Variants in ACBD5 observed in about 807,000 individuals in gnomAD.
ACBD5 encodes the protein acyl-CoA binding domain containing 5.
A neutral mutation model predicts 71.8 loss-of-function variants in ACBD5; 40 were observed. That is an observed-to-expected ratio of 0.56 (90% confidence interval 0.43 to 0.72). ACBD5 has a LOEUF of 0.72. Ranked by LOEUF, ACBD5 falls within the 30% of genes least tolerant of loss-of-function variation. ACBD5 has a pLI of 0.00. For missense variants in ACBD5, 559 were observed against 644.5 expected, an observed-to-expected ratio of 0.87 and a Z score of 1.44; for synonymous variants, 229 against 218.6, an observed-to-expected ratio of 1.05 and a Z score of -0.42.
In ACBD5 at chr10:27,240,248, A is replaced by T; in HGVS notation, c.181+71T>A. The T allele has an allele frequency of 6.2e-7, 1 of 1,612,848 alleles. No homozygotes were observed. Among genetic ancestry groups the T allele is most frequent in the Non-Finnish European group, 8.5e-7 (1 of 1,179,850 alleles). ...AAAAAGGCTAAATAAACAACACTAG[A>T]ACCAGAAAGTGAAAGGGGGCTTTGG... On this transcript the variant is annotated intron_variant, in intron 2 of 12. Transcript: ENST00000396271. This position sits in a 1 kb window ranked among gnomAD's most constrained non-coding sequence, Gnocchi z 4.1.
rs533601852 is a variant in ACBD5, at chr10:27,225,213, T to G, written c.376-1761A>C. On this transcript the variant is annotated intron_variant, in intron 4 of 12. Coordinates refer to ENST00000396271, the MANE Select transcript of ACBD5 (RefSeq NM_145698.5). ...CACCTTCAAGCAATTTCAGACACCT[T>G]CATAAGTGATTTGCCCACCTCGGCC... Among the ~76,000 whole-genome samples, 9 of 152,066 alleles carry G rather than the reference T, an allele frequency of 5.9e-5. 1 individual carries two copies. In the South Asian group the frequency reaches 1.7e-3, roughly 28 times the overall value.
Position 27,215,567 on chromosome 10 carries a change from A to G in ACBD5, c.904T>C (p.Cys302Arg). 6.2e-7 allele frequency: 1 copy of G among 1,613,576 alleles called. No individual in the cohort carries two copies. Among genetic ancestry groups the G allele is most frequent in the Non-Finnish European group, 8.5e-7 (1 of 1,179,714 alleles). ...LTSDSDSEVYCDSMEQFGQEE... is the reference protein window; with the variant it reads ...LTSDSDSEVYRDSMEQFGQEE... Reference sequence around the variant, plus strand: ...TGTCCAAATTGTTCCATAGAATCACAGTAAACTTCACTGTCTGAATCGCTT... The same window carrying G: ...TGTCCAAATTGTTCCATAGAATCACGGTAAACTTCACTGTCTGAATCGCTT... The change falls in exon 8 of 13, where the codon TGT becomes CGT. Residue 302 changes from cysteine to arginine, a missense_variant. By Grantham distance (180) the Cys-to-Arg change is radical (BLOSUM62 -3). Coordinates refer to ENST00000396271, the MANE Select transcript of ACBD5 (RefSeq NM_145698.5).
rs1171535156 is a variant in ACBD5, at chr10:27,195,405, A to G, written c.*2025T>C. On this transcript the variant is annotated 3_prime_UTR_variant, in exon 13 of 13. Transcript: ENST00000396271. ...GTGCAAAGTGCTTTTCAAACTATAA[A>G]ATAAGACTTTGGAACAGGATAGAAA... 2.2e-6 allele frequency: 1 copy of G among 454,482 alleles called. No homozygotes were observed. The highest frequency in any genetic ancestry group is 1.6e-5 in the South Asian group (1 of 64,452). 28.2% of individuals were successfully genotyped at this position (454,482 alleles called of 1,614,324 possible). A position where few individuals can be genotyped will look rare whatever the true frequency, so the allele number is the denominator to read the frequency against.
At position 27,197,293 on chromosome 10, in the gene ACBD5, T is replaced by G. The variant is rs1411739840; in HGVS notation, c.*137A>C. 1.2e-6 allele frequency: 1 copy of G among 802,392 alleles called. No individual in the cohort carries two copies. The highest frequency in any genetic ancestry group is 2.0e-5 in the Admixed American group (1 of 50,268). 49.7% of individuals were successfully genotyped at this position (802,392 alleles called of 1,614,324 possible). ...AGTGCAAAATATATATGTGTATATA[T>G]GTACACAAACTAAACTACTGGACAA... On this transcript the variant is annotated 3_prime_UTR_variant, in exon 13 of 13. Coordinates refer to ENST00000396271, the MANE Select transcript of ACBD5 (RefSeq NM_145698.5).
At chr10:27,230,670 G>A (rs1045639528) in intron 4 of ACBD5, among the ~76,000 whole-genome samples, 5 of 151,632 alleles carry the variant, frequency 3.3e-5, no homozygotes, top group African/African-American at 1.2e-4. Context: ...AGTGGTGCGC[G>A]CCTGTAATCC....
At position 27,210,879 on chromosome 10, in the gene ACBD5, C is replaced by T. The variant is rs2061002999; in HGVS notation, c.1139G>A (p.Gly380Glu). The part of the protein sequence containing the change: ...HGGEDGRNNS[G>E]APHREKRGGE... ...GCCTCGCTTCTCCCGGTGTGGTGCT[C>T]CGCTGTTATTCCTGCCATCTTCTCC... Residue 380 changes from glycine (G) to glutamate (E), a missense_variant, in exon 9 of 13, where the codon GGA becomes GAA. Physicochemically the swap from Gly to Glu is moderately conservative, Grantham distance 98 (BLOSUM62 -2). Coordinates refer to ENST00000396271, the MANE Select transcript of ACBD5 (RefSeq NM_145698.5). 1 of 1,614,064 alleles carries T rather than the reference C, an allele frequency of 6.2e-7. No individual in the cohort carries two copies. Among genetic ancestry groups the T allele is most frequent in the South Asian group, 1.1e-5 (1 of 91,088 alleles).
chr10:27,225,080 T>TC (rs2062846714), intron 4 of ACBD5, among the ~76,000 whole-genome samples: 5 of 148,986 alleles, frequency 3.4e-5, no homozygotes, highest in South Asian at 2.1e-4. Flanking sequence ...TCTCTTTCTT[T>TC]TTTTTTTTTT....
chr10:27,190,293 T>A (rs112577512), downstream of ACBD5, among the ~76,000 whole-genome samples: 205 of 148,728 alleles, frequency 1.4e-3, no homozygotes, highest in African/African-American at 4.9e-3. Flanking sequence ...TCAAAAAAAA[T>A]TATTTAAAAA....
At chr10:27,200,568 C>T (rs1366806135) in intron 12 of ACBD5, among the ~76,000 whole-genome samples, 2 of 151,756 alleles carry the variant, frequency 1.3e-5, no homozygotes, top group Admixed American at 1.3e-4. Context: ...CCTCAACCTC[C>T]CGAGTAGCTG....
chr10:27,222,111 G>C lies in ACBD5; in HGVS notation c.490+1227C>G, dbSNP rs151042151. On this transcript the variant is annotated intron_variant, in intron 5 of 12. Transcript: ENST00000396271. ...GCACGTGGTTTATGACCGTGACAAG[G>C]ACCGATTTCAGCACAGGAAGATTAC... Among the ~76,000 whole-genome samples the C allele has an allele frequency of 3.9e-5, 6 of 152,064 alleles. No individual in the cohort carries two copies. The East Asian group carries it at 1.2e-3, about 29-fold the overall frequency.
intron 2 of ACBD5, among the ~76,000 whole-genome samples, chr10:27,239,518 C>G (rs1477693461): frequency 6.6e-6 from 1 of 152,084 alleles, no homozygotes; most frequent in Non-Finnish European, 1.5e-5. Flanking sequence ...ACTTTTTTCT[C>G]ACCAGCTGCA....
intron 4 of ACBD5, among the ~76,000 whole-genome samples, chr10:27,226,510 G>C (rs2063046508): frequency 6.7e-6 from 1 of 150,026 alleles, no homozygotes; most frequent in Middle Eastern, 3.2e-3. Flanking sequence ...GCAAATCTCA[G>C]TCTAGGTAAC....
chr10:27,186,334 C>T, intron 13 of ACBD5: 1 of 1,546,472 alleles, frequency 6.5e-7, no homozygotes, highest in Non-Finnish European at 8.9e-7. Context: ...GCAGTACTTA[C>T]TTAGGTAATG....
chr10:27,200,673 G>A (rs1337714056), intron 12 of ACBD5, among the ~76,000 whole-genome samples: 1 of 152,084 alleles, frequency 6.6e-6, no homozygotes, highest in Non-Finnish European at 1.5e-5. Context: ...TGGTCAGGCT[G>A]GTCTCGAGCT....
intron 12 of ACBD5, among the ~76,000 whole-genome samples, chr10:27,198,028 A>G (rs2059534220): frequency 6.6e-6 from 1 of 152,234 alleles, no homozygotes. Flanking sequence ...CACAATTAAG[A>G]TTTGTGGAAA....
chr10:27,234,754 A>C (rs932941960), intron 3 of ACBD5, among the ~76,000 whole-genome samples: 6 of 152,184 alleles, frequency 3.9e-5, no homozygotes, highest in Non-Finnish European at 8.8e-5. Context: ...CAACATAGTG[A>C]AACCCTGTCT....
intron 5 of ACBD5, among the ~76,000 whole-genome samples, chr10:27,221,768 G>T (rs2062366033): frequency 1.3e-5 from 2 of 151,694 alleles, no homozygotes; most frequent in Non-Finnish European, 1.5e-5. Context: ...ACAAAAATTA[G>T]CCATACAAGA....
Position 27,219,671 on chromosome 10 carries a change from A to G in ACBD5, c.625+52T>C, listed in dbSNP as rs12251316. ...ACCAAATCAGCCCAAATGTCTTCAT[A>G]CCCTCTTAGTTTATTTATTGCAAAA... On this transcript the variant is annotated intron_variant, in intron 6 of 12. Coordinates refer to ENST00000396271, the MANE Select transcript of ACBD5 (RefSeq NM_145698.5). 61,267 of 1,605,720 alleles carry G rather than the reference A, an allele frequency of 0.038. 2,196 individuals are homozygous for G. The highest frequency in any genetic ancestry group is 0.17 in the African/African-American group (12,672 of 74,758).
Position 27,183,967 on chromosome 10 carries a change from C to T in ACBD5, c.1494-1252G>A, listed in dbSNP as rs375307680. Among the ~76,000 whole-genome samples the T allele has an allele frequency of 1.7e-4, 26 of 152,270 alleles. No homozygotes were observed. In the South Asian group the frequency reaches 5.2e-3, roughly 30 times the overall value. On this transcript the variant is annotated intron_variant, in intron 13 of 13. Coordinates refer to the ACBD5 transcript ENST00000676511. Reference sequence around the variant, plus strand: ...GCTCAAGCCATCCGCCCACCTTGGCCTCCCTAAGTACTGGGATTACAGGCA... The same window carrying T: ...GCTCAAGCCATCCGCCCACCTTGGCTTCCCTAAGTACTGGGATTACAGGCA...
Sources: gnomAD v4.1 joint callset for allele counts (sites outside exome capture counted in the v4.1 genomes callset) on GRCh38, gnomAD v4.1.1 for gene constraint, Gnocchi (gnomAD v3.1) non-coding constraint, MANE v1.5 for transcripts, NCBI Gene and HGNC (gene_info 2026-07-23, HGNC 2026-07-21) for gene names.